GRK1: variants seen among roughly 807,000 people sequenced by gnomAD.
GRK1 encodes the protein G protein-coupled receptor kinase 1.
GRK1 carries 28 observed loss-of-function variants against 41.7 expected under a neutral mutation model. That is an observed-to-expected ratio of 0.67 (90% confidence interval 0.50 to 0.92). GRK1 has a LOEUF of 0.92. Ranked by LOEUF, GRK1 falls within the 40% of genes least tolerant of loss-of-function variation. GRK1 has a pLI of 0.00. For synonymous variants in GRK1, 327 were observed against 286.7 expected (o/e 1.14, Z -1.42); for missense variants, 703 against 671.2 (o/e 1.05, Z -0.52).
chr13:113,660,185 C>T, the GRK1 span, among the ~76,000 whole-genome samples: 16 of 152,116 alleles, frequency 1.1e-4, no homozygotes, highest in African/African-American at 3.9e-4. Flanking sequence ...GAGGGGGGCC[C>T]AGAATCCCAC....
the GRK1 span, among the ~76,000 whole-genome samples, chr13:113,658,612 G>A: frequency 6.6e-6 from 1 of 152,202 alleles, no homozygotes; most frequent in South Asian, 2.1e-4. Context: ...GCGAGTGAGG[G>A]GCGACCGGCT....
rs957065025 is a variant in GRK1 at position 113,671,240 on chromosome 13, G to A, written c.828-259G>A. On this transcript the variant is annotated intron_variant, in intron 2 of 6. Transcript: ENST00000335678. The surrounding 1 kb of genome is among the most constrained non-coding windows in gnomAD (Gnocchi z 4.1). Reference sequence around the variant, plus strand: ...CTGTTTCCTAGCACCTGCGGCCCGCGCTGGAAAGCAGGCGGACAGGAGACG... The same window carrying A: ...CTGTTTCCTAGCACCTGCGGCCCGCACTGGAAAGCAGGCGGACAGGAGACG... Among the ~76,000 whole-genome samples the A allele has an allele frequency of 1.3e-5, 2 of 152,172 alleles. No individual in the cohort carries two copies. Among genetic ancestry groups the A allele is most frequent in the Admixed American group, 6.5e-5 (1 of 15,288 alleles).
In GRK1 at chr13:113,667,825, C is replaced by A. The variant is rs746527764; in HGVS notation, c.439C>A (p.Gln147Lys). The A allele has an allele frequency of 1.3e-6, 2 of 1,595,882 alleles. No individual in the cohort carries two copies. Among genetic ancestry groups the A allele is most frequent in the Non-Finnish European group, 1.7e-6 (2 of 1,169,374 alleles). Residue 147 changes from glutamine (Q) to lysine (K), a missense_variant, in exon 1 of 7, where the codon CAG becomes AAG. Transcript: ENST00000335678. This position sits in a 1 kb window ranked among gnomAD's most constrained non-coding sequence, Gnocchi z 7.5. Reference protein sequence around the residue: ...GPVEIQDGLFQPLLQATLAHL... With the variant: ...GPVEIQDGLFKPLLQATLAHL... ...TGTGGAGATCCAGGACGGGCTCTTC[C>A]AGCCCCTGCTGCAGGCCACCCTGGC...
upstream of GRK1, among the ~76,000 whole-genome samples, chr13:113,662,356 T>C (rs2049795614): frequency 1.3e-5 from 2 of 152,176 alleles, no homozygotes; most frequent in South Asian, 4.1e-4. Context: ...CAGCTAACAG[T>C]ATGCCCAATG....
rs2049936683 is a variant in GRK1, at chr13:113,731,387, C to T, written c.1194+44C>T. 3 of 1,535,584 alleles carry T rather than the reference C, an allele frequency of 2.0e-6. No homozygotes were observed. Among genetic ancestry groups the T allele is most frequent in the Non-Finnish European group, 2.6e-6 (3 of 1,146,164 alleles). Reference sequence around the variant, plus strand: ...GTGTCTCTGCAGCCACCTTGGCGCCCTGGCTCTCGATGGGGACGGGGCAGT... The same window carrying T: ...GTGTCTCTGCAGCCACCTTGGCGCCTTGGCTCTCGATGGGGACGGGGCAGT... On this transcript the variant is annotated intron_variant, in intron 5 of 6. Transcript: ENST00000335678. This position sits in a 1 kb window ranked among gnomAD's most constrained non-coding sequence, Gnocchi z 5.6.
chr13:113,668,128 G>T (rs781383615), intron 1 of GRK1, 43 bp downstream of exon 1: 12 of 1,558,850 alleles, frequency 7.7e-6, no homozygotes, highest in Non-Finnish European at 1.0e-5. Flanking sequence ...GTGGCAGGGT[G>T]CAGGGATGGG....
At chr13:113,733,479 C>T (rs1239357124) in intron 6 of GRK1, among the ~76,000 whole-genome samples, 2 of 145,308 alleles carry the variant, frequency 1.4e-5, no homozygotes, top group Admixed American at 7.0e-5. Flanking sequence ...GCGGAAGATA[C>T]TATGTGCGCG....
upstream of GRK1, among the ~76,000 whole-genome samples, chr13:113,663,147 A>AG (rs1289567172): frequency 8.5e-5 from 13 of 152,328 alleles, no homozygotes; most frequent in South Asian, 4.1e-4. Context: ...GGAGACACAT[A>AG]GATCAATGGA....
At chr13:113,735,043 C>G (rs1012519515) in intron 6 of GRK1, 25 bp from the exon 7 acceptor site, 1 of 1,470,078 alleles carries the variant, frequency 6.8e-7, no homozygotes, top group Admixed American at 2.3e-5. Flanking sequence ...AGGAGCCTGG[C>G]GTCTGTGTTT....
the GRK1 span, chr13:113,651,801 G>T: frequency 6.4e-7 from 1 of 1,557,054 alleles, no homozygotes; most frequent in East Asian, 2.3e-5. Flanking sequence ...CCCACCCATG[G>T]AGCTGAGATC....
chr13:113,666,263 GTGT>G, upstream of GRK1, among the ~76,000 whole-genome samples: 1 of 145,490 alleles, frequency 6.9e-6, no homozygotes, highest in Admixed American at 6.8e-5. Flanking sequence ...GCTGTCCCAA[GTGT>G]GTCTCAGGTG....
chr13:113,658,732 C>T, the GRK1 span, among the ~76,000 whole-genome samples: 2 of 152,184 alleles, frequency 1.3e-5, no homozygotes, highest in African/African-American at 4.8e-5. Flanking sequence ...GGGGACTCCT[C>T]TGCCTCCCAG....
the GRK1 span, chr13:113,654,962 C>T: frequency 6.2e-7 from 1 of 1,613,362 alleles, no homozygotes. Flanking sequence ...AAGGCAGGCA[C>T]AAAATTTACC....
chr13:113,728,394 CGAT>C (rs2049909259), intron 4 of GRK1, among the ~76,000 whole-genome samples: 1 of 129,294 alleles, frequency 7.7e-6, no homozygotes, highest in East Asian at 2.2e-4. Flanking sequence ...GTACCCATGG[CGAT>C]GAGGAGTACC....
At chr13:113,666,203 G>A (rs956884052), upstream of GRK1, among the ~76,000 whole-genome samples, 6 of 149,720 alleles carry the variant, frequency 4.0e-5, no homozygotes, top group African/African-American at 1.2e-4. Flanking sequence ...TGCCCCAGGT[G>A]TGCCCCCGCT....
At chr13:113,653,471 T>C in the GRK1 span, 8 of 1,570,262 alleles carry the variant, frequency 5.1e-6, no homozygotes, top group South Asian at 7.8e-5. Context: ...CGTCTCCAAA[T>C]GCTCACCACA....
At chr13:113,734,023 CGTGCGTGTGCGT>C (rs2049982020) in intron 6 of GRK1, among the ~76,000 whole-genome samples, 1 of 90,642 alleles carries the variant, frequency 1.1e-5, no homozygotes, top group African/African-American at 5.3e-5. Flanking sequence ...CATGTGTGTG[CGTGCGTGTGCGT>C]ATGTGTGTGT....
the GRK1 span, among the ~76,000 whole-genome samples, chr13:113,650,062 C>T: frequency 6.6e-6 from 1 of 151,596 alleles, no homozygotes; most frequent in African/African-American, 2.4e-5. This position sits in a 1 kb window ranked among gnomAD's most constrained non-coding sequence, Gnocchi z 5.0. Flanking sequence ...ACTTAGGAGG[C>T]TGAGGTGGGA....
chr13:113,664,590 G>A (rs928454707), upstream of GRK1, among the ~76,000 whole-genome samples: 2 of 152,000 alleles, frequency 1.3e-5, no homozygotes, highest in Non-Finnish European at 2.9e-5. This position sits in a 1 kb window ranked among gnomAD's most constrained non-coding sequence, Gnocchi z 5.4. Flanking sequence ...TTATTTAACC[G>A]AACGCTTCCC....
Sources: gnomAD v4.1 joint callset for allele counts (sites outside exome capture counted in the v4.1 genomes callset) on GRCh38, gnomAD v4.1.1 for gene constraint, Gnocchi (gnomAD v3.1) non-coding constraint, MANE v1.5 for transcripts, NCBI Gene and HGNC (gene_info 2026-07-23, HGNC 2026-07-21) for gene names.